Variants in FAF2 observed in about 807,000 individuals in gnomAD.
FAF2 encodes Fas associated factor family member 2.
Under a neutral mutation model 62.3 loss-of-function variants are expected in FAF2, and 9 were observed. The ratio of observed to expected loss-of-function variants is 0.14; its 90% CI spans 0.09 to 0.25. The LOEUF (loss-of-function observed/expected upper bound fraction) is 0.25. FAF2 is among the 10% of genes least tolerant of loss of function. The pLI is 1.00. For synonymous variants in FAF2, 202 were observed against 198.0 expected (o/e 1.02, Z -0.17); for missense variants, 368 against 556.2 (o/e 0.66, Z 3.40).
intron 1 of FAF2, among the ~76,000 whole-genome samples, chr5:176,473,638 T>C (rs1469770220): frequency 6.6e-6 from 1 of 152,274 alleles, no homozygotes; most frequent in Non-Finnish European, 1.5e-5. Flanking sequence ...CTTGGAATTC[T>C]TCTGCACAGG....
At chr5:176,450,369 T>C (rs1460177617) in intron 1 of FAF2, among the ~76,000 whole-genome samples, 1 of 152,232 alleles carries the variant, frequency 6.6e-6, no homozygotes, top group African/African-American at 2.4e-5. Flanking sequence ...TGTTTAACTT[T>C]GGCAGACCAT....
rs61443027 is a variant in FAF2 at position 176,477,244 on chromosome 5, CTTTTTTTT to C, written c.64-1931_64-1924del. Among the ~76,000 whole-genome samples, 7 of 78,410 alleles carry C rather than the reference CTTTTTTTT, an allele frequency of 8.9e-5. No homozygotes were observed. In the East Asian group the frequency reaches 2.8e-3, roughly 31 times the overall value. The allele number at this position is 78,410 out of a possible 152,430, so 51.4% of individuals were successfully genotyped here. A position where few individuals can be genotyped will look rare whatever the true frequency, so the allele number is the denominator to read the frequency against. ...ACAGGCATGAGCCACCGTGCCCGGC[CTTTTTTTT>C]TTTTTTTTTTTTAAGTAGAGGTGGG... On this transcript the variant is annotated intron_variant, in intron 1 of 10. Transcript: ENST00000261942.
intron 1 of FAF2, among the ~76,000 whole-genome samples, chr5:176,458,189 T>C (rs1758309880): frequency 6.6e-6 from 1 of 152,082 alleles, no homozygotes; most frequent in African/African-American, 2.4e-5. Flanking sequence ...TCAAGCCATC[T>C]TTCCAGCTCC....
At chr5:176,463,228 T>C (rs1758411014) in intron 1 of FAF2, among the ~76,000 whole-genome samples, 1 of 151,898 alleles carries the variant, frequency 6.6e-6, no homozygotes. Context: ...ACCCCGTCTC[T>C]ACTAAGAATA....
At chr5:176,448,578 C>T in intron 1 of FAF2, 108 bp downstream of exon 1, 2 of 1,123,952 alleles carry the variant, frequency 1.8e-6, no homozygotes, top group East Asian at 5.2e-5. Context: ...CTCAGACCAG[C>T]AGGCCGGCCC....
intron 1 of FAF2, among the ~76,000 whole-genome samples, chr5:176,469,263 A>G (rs1281225844): frequency 1.3e-5 from 2 of 152,168 alleles, no homozygotes; most frequent in African/African-American, 4.8e-5. Flanking sequence ...AAAATAAAAA[A>G]TTGTAGAAAA....
chr5:176,493,651 G>A (rs1225442754), intron 5 of FAF2, among the ~76,000 whole-genome samples: 2 of 152,230 alleles, frequency 1.3e-5, no homozygotes, highest in South Asian at 2.1e-4. Context: ...CATATGGTCA[G>A]ATTCTCCTGT....
intron 2 of FAF2, among the ~76,000 whole-genome samples, chr5:176,485,752 C>G (rs1758863850): frequency 1.3e-5 from 2 of 152,002 alleles, no homozygotes; most frequent in Non-Finnish European, 2.9e-5. Flanking sequence ...TTTTTAGAGA[C>G]AGGGTCTCGT....
chr5:176,451,829 CATAT>C (rs869212519), intron 1 of FAF2, among the ~76,000 whole-genome samples: 11 of 22,608 alleles, frequency 4.9e-4, no homozygotes, highest in African/African-American at 1.4e-3. Context: ...TATATATATA[CATAT>C]ATATATATAC....
intron 4 of FAF2, among the ~76,000 whole-genome samples, chr5:176,489,565 T>A (rs915447776): frequency 6.6e-6 from 1 of 152,134 alleles, no homozygotes; most frequent in Non-Finnish European, 1.5e-5. Flanking sequence ...AGAGTCTTGC[T>A]CTGTCGCTGT....
intron 1 of FAF2, among the ~76,000 whole-genome samples, chr5:176,475,627 G>T (rs1758674467): frequency 6.6e-6 from 1 of 152,094 alleles, no homozygotes; most frequent in African/African-American, 2.4e-5. Context: ...AACTAGCCAG[G>T]CGTGGTGGCA....
At chr5:176,477,135 C>A (rs1267729227) in intron 1 of FAF2, among the ~76,000 whole-genome samples, 3 of 98,060 alleles carry the variant, frequency 3.1e-5, no homozygotes, top group Non-Finnish European at 6.0e-5. Flanking sequence ...TAAGTTGAGG[C>A]GGGGTTTCAC....
intron 1 of FAF2, chr5:176,453,118 TTC>T (rs1758217018): frequency 6.6e-6 from 1 of 152,226 alleles, no homozygotes; most frequent in Admixed American, 6.5e-5. Context: ...AGTTCTCCAC[TTC>T]TGTTTATTTT....
At chr5:176,501,995 G>C (rs1755600338) in intron 10 of FAF2, among the ~76,000 whole-genome samples, 1 of 152,050 alleles carries the variant, frequency 6.6e-6, no homozygotes, top group Non-Finnish European at 1.5e-5. Flanking sequence ...AACCTCAAGT[G>C]ATCCACCCAC....
intron 2 of FAF2, among the ~76,000 whole-genome samples, chr5:176,484,051 T>G (rs930810282): frequency 2.0e-5 from 3 of 151,294 alleles, no homozygotes; most frequent in Admixed American, 6.6e-5. Flanking sequence ...TCCAGCCTGG[T>G]GACAGAGCTA....
chr5:176,492,732 T>G (rs1561826318), intron 5 of FAF2, among the ~76,000 whole-genome samples: 2 of 152,216 alleles, frequency 1.3e-5, no homozygotes. Context: ...TATCCCTGAT[T>G]GTTGTGCCCT....
chr5:176,492,079 C>T (rs1758979746), intron 4 of FAF2, 115 bp from the exon 5 acceptor site: 1 of 1,183,456 alleles, frequency 8.4e-7, no homozygotes. Flanking sequence ...ACAGACTGTT[C>T]ACCTCCCTTT....
At chr5:176,493,947 T>A in intron 5 of FAF2, 52 bp from the exon 6 acceptor site, 2 of 1,281,414 alleles carry the variant, frequency 1.6e-6, no homozygotes, top group Non-Finnish European at 2.2e-6. Context: ...AGCTTAAATA[T>A]AAGCTCAAGG....
rs377644956 is a variant in FAF2, at chr5:176,461,303, T to C, written c.63+12833T>C. The stretch of plus-strand genomic sequence containing the variant: ...TGCTGAGATTACAGGTGTGAGCCAC[T>C]GTGCCCAGCTTTTTTTTTTTTTTTT... On this transcript the variant is annotated intron_variant, in intron 1 of 10. Coordinates refer to ENST00000261942, the MANE Select transcript of FAF2 (RefSeq NM_014613.3). 4.5e-4 allele frequency among the ~76,000 whole-genome samples: 65 copies of C among 143,954 alleles called. 1 individual carries two copies. The highest frequency in any genetic ancestry group is 1.6e-3 in the African/African-American group (63 of 39,342). The allele number at this position is 143,954 out of a possible 152,430, so 94.4% of individuals were successfully genotyped here. A position where few individuals can be genotyped will look rare whatever the true frequency, so the allele number is the denominator to read the frequency against.
Sources: allele counts gnomAD v4.1 joint callset (sites outside exome capture counted in the v4.1 genomes callset), GRCh38; gene constraint gnomAD v4.1.1; transcripts MANE v1.5; gene names NCBI Gene and HGNC (gene_info 2026-07-23, HGNC 2026-07-21).